Variants in PTPRM observed in about 807,000 individuals in gnomAD.
The protein encoded by PTPRM is receptor-type tyrosine-protein phosphatase mu.
PTPRM carries 47 observed loss-of-function variants against 186.7 expected under a neutral mutation model. The ratio of observed to expected loss-of-function variants is 0.25; its 90% CI spans 0.20 to 0.32. The LOEUF (loss-of-function observed/expected upper bound fraction) is 0.32, where lower values mean the gene tolerates loss of function less well. Ranked by LOEUF, PTPRM falls within the 10% of genes least tolerant of loss-of-function variation. The probability of loss-of-function intolerance (pLI) is 1.00; values close to 1 mark genes in which losing one functional copy is unlikely to be tolerated. For synonymous variants in PTPRM, 668 were observed against 674.9 expected (o/e 0.99, Z 0.16); for missense variants, 1,494 against 1,865.0 (o/e 0.80, Z 3.66).
intron 1 of PTPRM, among the ~76,000 whole-genome samples, chr18:7,580,777 A>T (rs757446800): frequency 6.6e-6 from 1 of 152,166 alleles, no homozygotes; most frequent in African/African-American, 2.4e-5. Flanking sequence ...GTACCATATT[A>T]TGTCTCCCTC....
At chr18:8,245,982 C>A (rs916910502) in intron 15 of PTPRM, among the ~76,000 whole-genome samples, 1 of 152,166 alleles carries the variant, frequency 6.6e-6, no homozygotes, top group South Asian at 2.1e-4. Context: ...CACAACTGAT[C>A]GGCTATTAGA....
At chr18:8,231,850 T>C (rs2094290513) in intron 14 of PTPRM, among the ~76,000 whole-genome samples, 1 of 150,300 alleles carries the variant, frequency 6.7e-6, no homozygotes. Context: ...CATATAGTTC[T>C]AACACCCCCC....
chr18:7,955,017 C>T, intron 6 of PTPRM, 104 bp from the exon 7 acceptor site: 21 of 1,218,448 alleles, frequency 1.7e-5, no homozygotes, highest in South Asian at 1.2e-4. Flanking sequence ...CAATTTATTC[C>T]TGAAATTTTA....
At chr18:8,098,749 G>A (rs1227966893) in intron 11 of PTPRM, among the ~76,000 whole-genome samples, 1 of 152,086 alleles carries the variant, frequency 6.6e-6, no homozygotes, top group Non-Finnish European at 1.5e-5. Flanking sequence ...ACCTCTTGAG[G>A]ACAGTGATGA....
intron 13 of PTPRM, among the ~76,000 whole-genome samples, chr18:8,137,681 A>G (rs1004094569): frequency 2.6e-5 from 4 of 151,728 alleles, no homozygotes; most frequent in Admixed American, 6.6e-5. Flanking sequence ...CCTCTTCCCA[A>G]TCACCCCCAG....
chr18:8,328,401 C>T (rs1320679007), intron 22 of PTPRM, among the ~76,000 whole-genome samples: 3 of 152,160 alleles, frequency 2.0e-5, no homozygotes, highest in Non-Finnish European at 4.4e-5. Flanking sequence ...AAATCAAAAG[C>T]TCAGCCTTCA....
In PTPRM at chr18:7,802,741, A is replaced by G. The variant is rs76347855; in HGVS notation, c.196+28470A>G. On this transcript the variant is annotated intron_variant, in intron 2 of 32. Coordinates refer to ENST00000580170, the MANE Select transcript of PTPRM (RefSeq NM_001105244.2). ...AAGAAAGCTAGTATATTTCATTTCT[A>G]CAGAAAGTATGACATCTTTTTATTG... Among the ~76,000 whole-genome samples the G allele has an allele frequency of 6.6e-3, 1,004 of 152,324 alleles. 23 individuals carry two copies. The East Asian group carries it at 0.069, about 11-fold the overall frequency.
chr18:8,296,468 A>G lies in PTPRM; in HGVS notation c.2842+13A>G, dbSNP rs769024459. 1 of 1,570,008 alleles carries G rather than the reference A, an allele frequency of 6.4e-7. No homozygotes were observed. The highest frequency in any genetic ancestry group is 1.4e-5 in the African/African-American group (1 of 74,034). ...AATATCATTGCATGTAAGTGTCAAC[A>G]GTGTCATTGTGCTGTTGTAGAACTT... On this transcript the variant is annotated intron_variant, in intron 20 of 32. Transcript: ENST00000580170.
At chr18:7,763,620 G>A (rs1184737858) in intron 1 of PTPRM, among the ~76,000 whole-genome samples, 1 of 152,068 alleles carries the variant, frequency 6.6e-6, no homozygotes, top group Non-Finnish European at 1.5e-5. Flanking sequence ...ATAGGAAATT[G>A]GAATGAATAT....
At chr18:8,016,927 C>T (rs892700824) in intron 7 of PTPRM, among the ~76,000 whole-genome samples, 1 of 152,148 alleles carries the variant, frequency 6.6e-6, no homozygotes, top group African/African-American at 2.4e-5. Context: ...CCAATATTCA[C>T]GCATTAATAG....
chr18:7,751,309 T>G (rs573920156), intron 1 of PTPRM: 19 of 152,412 alleles, frequency 1.2e-4, no homozygotes, highest in African/African-American at 4.6e-4. Context: ...CCTGACTCAC[T>G]GTGCTGTTGT....
intron 7 of PTPRM, among the ~76,000 whole-genome samples, chr18:7,955,928 G>T (rs1393399128): frequency 6.6e-6 from 1 of 152,160 alleles, no homozygotes; most frequent in Non-Finnish European, 1.5e-5. Flanking sequence ...AGAGTGATTT[G>T]TGTGCTGGGT....
Position 7,964,426 on chromosome 18 carries a change from C to A in PTPRM, c.1132+9012C>A, listed in dbSNP as rs894121155. ...ACCTTGCTATTCCTAGTTTCTTAAT[C>A]CTTCTGGTCAGTGTTTTTTTGTTGT... On this transcript the variant is annotated intron_variant, in intron 7 of 32. Coordinates refer to ENST00000580170, the MANE Select transcript of PTPRM (RefSeq NM_001105244.2). Among the ~76,000 whole-genome samples, 13 of 152,128 alleles carry A rather than the reference C, an allele frequency of 8.5e-5. 1 individual carries two copies. Among genetic ancestry groups the A allele is most frequent in the Admixed American group, 8.5e-4 (13 of 15,274 alleles).
At chr18:7,713,644 C>T (rs576801351) in intron 1 of PTPRM, among the ~76,000 whole-genome samples, 9 of 148,492 alleles carry the variant, frequency 6.1e-5, no homozygotes, top group African/African-American at 1.0e-4. Context: ...TGCAAAAACA[C>T]GCATAGGCTC....
chr18:7,765,934 A>G (rs2041996575), intron 1 of PTPRM, among the ~76,000 whole-genome samples: 1 of 152,250 alleles, frequency 6.6e-6, no homozygotes, highest in Non-Finnish European at 1.5e-5. Context: ...TTGCTAGTGT[A>G]TGTAAGTCAA....
chr18:7,946,043 A>G (rs570996863), intron 5 of PTPRM, among the ~76,000 whole-genome samples: 3 of 152,224 alleles, frequency 2.0e-5, no homozygotes, highest in Non-Finnish European at 4.4e-5. Flanking sequence ...GAGCATTCAT[A>G]TGACTCACTA....
chr18:7,879,245 T>G (rs952881277), intron 2 of PTPRM, among the ~76,000 whole-genome samples: 1 of 152,334 alleles, frequency 6.6e-6, no homozygotes, highest in Non-Finnish European at 1.5e-5. Flanking sequence ...TTGTCTCTTA[T>G]GATAACTGTG....
chr18:8,063,615 C>CCT (rs1316921137), intron 7 of PTPRM, among the ~76,000 whole-genome samples: 2 of 152,080 alleles, frequency 1.3e-5, no homozygotes, highest in Non-Finnish European at 2.9e-5. Flanking sequence ...CTTTTTCCAA[C>CCT]CTCTCTATTC....
intron 5 of PTPRM, among the ~76,000 whole-genome samples, chr18:7,929,653 T>G (rs569820481): frequency 1.3e-4 from 20 of 152,342 alleles, no homozygotes; most frequent in African/African-American, 4.8e-4. Context: ...ATAAGACCCG[T>G]GTCCTTCACC....
Sources: allele counts gnomAD v4.1 joint callset (sites outside exome capture counted in the v4.1 genomes callset), GRCh38; gene constraint gnomAD v4.1.1; transcripts MANE v1.5; gene names NCBI Gene and HGNC (gene_info 2026-07-23, HGNC 2026-07-21).